ARMH3: variants seen among roughly 807,000 people sequenced by gnomAD.
ARMH3 encodes armadillo like helical domain containing 3.
Under a neutral mutation model 99.1 loss-of-function variants are expected in ARMH3, and 60 were observed. The observed-to-expected ratio is 0.61, with a 90% confidence interval of 0.49 to 0.75. The LOEUF (loss-of-function observed/expected upper bound fraction) is 0.75, where lower values mean the gene tolerates loss of function less well. ARMH3 is among the 30% of genes least tolerant of loss of function. The pLI is 0.00. For synonymous variants in ARMH3, 285 were observed against 292.8 expected (o/e 0.97, Z 0.27); for missense variants, 679 against 843.1 (o/e 0.81, Z 2.41).
intron 8 of ARMH3, among the ~76,000 whole-genome samples, chr10:102,021,451 T>G (rs929645998): frequency 2.0e-5 from 3 of 149,714 alleles, no homozygotes; most frequent in Non-Finnish European, 4.5e-5. Context: ...GGTGTAATCA[T>G]GGCTCACTGT....
At chr10:101,951,094 T>G (rs1564786583) in intron 22 of ARMH3, among the ~76,000 whole-genome samples, 1 of 152,192 alleles carries the variant, frequency 6.6e-6, no homozygotes, top group Non-Finnish European at 1.5e-5. Context: ...ATAAATCTAA[T>G]AGAATATATG....
chr10:101,934,237 C>T (rs934616309), intron 23 of ARMH3, among the ~76,000 whole-genome samples: 3 of 152,138 alleles, frequency 2.0e-5, no homozygotes, highest in African/African-American at 4.8e-5. Flanking sequence ...TGTGTCTATG[C>T]GCGTGCACAT....
intron 20 of ARMH3, 27 bp from the exon 21 acceptor site, chr10:101,957,759 A>G: frequency 6.5e-7 from 1 of 1,548,758 alleles, no homozygotes; most frequent in South Asian, 1.2e-5. Flanking sequence ...AAAGACATCA[A>G]CAAGCTATTC....
intron 24 of ARMH3, among the ~76,000 whole-genome samples, chr10:101,881,013 A>G (rs2067402023): frequency 6.6e-6 from 1 of 152,260 alleles, no homozygotes; most frequent in Admixed American, 6.5e-5. Context: ...ATAAGAAAAT[A>G]CTTAGCAGCT....
chr10:101,940,027 T>C (rs1844168059), intron 22 of ARMH3, 89 bp from the exon 23 acceptor site: 1 of 1,002,682 alleles, frequency 1.0e-6, no homozygotes. Flanking sequence ...AATAGCACTC[T>C]CAGAATAACC....
intron 8 of ARMH3, among the ~76,000 whole-genome samples, chr10:102,015,859 C>A (rs942739443): frequency 1.3e-5 from 2 of 152,208 alleles, no homozygotes; most frequent in African/African-American, 2.4e-5. Flanking sequence ...TAGGGCTGGG[C>A]ACGGTGGCTC....
chr10:101,974,495 T>C (rs998098444), intron 20 of ARMH3, among the ~76,000 whole-genome samples: 1 of 152,152 alleles, frequency 6.6e-6, no homozygotes, highest in African/African-American at 2.4e-5. Flanking sequence ...TCAGGGAACA[T>C]GTCTCCTCTG....
At chr10:101,936,254 G>A (rs1843968850) in intron 23 of ARMH3, among the ~76,000 whole-genome samples, 1 of 152,108 alleles carries the variant, frequency 6.6e-6, no homozygotes, top group Non-Finnish European at 1.5e-5. Flanking sequence ...AGCACTTTGG[G>A]AGGCCGAGGT....
At chr10:102,015,681 C>A (rs1357214982) in intron 8 of ARMH3, among the ~76,000 whole-genome samples, 1 of 152,232 alleles carries the variant, frequency 6.6e-6, no homozygotes, top group East Asian at 1.9e-4. Context: ...TGAGCCACTG[C>A]ACCCAGCCTG....
chr10:101,937,248 T>G (rs1257633686), intron 23 of ARMH3, among the ~76,000 whole-genome samples: 1 of 152,178 alleles, frequency 6.6e-6, no homozygotes, highest in Admixed American at 6.5e-5. Context: ...CTGGGCATGG[T>G]GGCTCATGCC....
At chr10:101,994,369 A>G (rs985639286) in intron 16 of ARMH3, among the ~76,000 whole-genome samples, 1 of 152,222 alleles carries the variant, frequency 6.6e-6, no homozygotes, top group African/African-American at 2.4e-5. Context: ...AAAGGAGGTC[A>G]TCTTTCCACA....
chr10:102,004,103 T>C (rs1044593623), intron 14 of ARMH3, among the ~76,000 whole-genome samples: 1 of 152,214 alleles, frequency 6.6e-6, no homozygotes, highest in African/African-American at 2.4e-5. Context: ...TATTTTTAGT[T>C]TACCAGAAAG....
intron 23 of ARMH3, among the ~76,000 whole-genome samples, chr10:101,904,526 T>A (rs2068056965): frequency 6.6e-6 from 1 of 152,210 alleles, no homozygotes; most frequent in Admixed American, 6.5e-5. Context: ...CATAATGCTA[T>A]CAATAATTTA....
Position 102,040,122 on chromosome 10 carries a change from G to A in ARMH3, c.-8C>T, listed in dbSNP as rs539010325. The A allele has an allele frequency of 6.2e-7, 1 of 1,611,384 alleles. No homozygotes were observed. Among genetic ancestry groups the A allele is most frequent in the Non-Finnish European group, 8.5e-7 (1 of 1,177,484 alleles). ...TTTCTCTACCTGTGCCATGGTTAGAGAATCTGTGAACAGAAAGTCACATTT... is the reference window on the plus strand; with the variant it reads ...TTTCTCTACCTGTGCCATGGTTAGAAAATCTGTGAACAGAAAGTCACATTT... On this transcript the variant is annotated 5_prime_UTR_variant, in exon 2 of 26. Transcript: ENST00000370033.
chr10:101,931,889 C>T (rs925371863), intron 23 of ARMH3, among the ~76,000 whole-genome samples: 1 of 152,076 alleles, frequency 6.6e-6, no homozygotes, highest in African/African-American at 2.4e-5. Flanking sequence ...ACATAAGCAA[C>T]AAGCGAAAAA....
At chr10:102,011,649 A>G in intron 11 of ARMH3, 74 bp downstream of exon 11, 1 of 1,269,834 alleles carries the variant, frequency 7.9e-7, no homozygotes, top group Non-Finnish European at 1.1e-6. Context: ...TGAACTTCGG[A>G]GCCCGATTTG....
At chr10:101,975,631 C>T (rs561227070) in intron 19 of ARMH3, among the ~76,000 whole-genome samples, 1 of 151,788 alleles carries the variant, frequency 6.6e-6, no homozygotes, top group Non-Finnish European at 1.5e-5. Context: ...TTTGGGAGGC[C>T]GAGGCAGGCA....
At chr10:101,933,142 C>T (rs1843795357) in intron 23 of ARMH3, among the ~76,000 whole-genome samples, 1 of 152,074 alleles carries the variant, frequency 6.6e-6, no homozygotes, top group Admixed American at 6.5e-5. Flanking sequence ...GCGGAGATTG[C>T]ACCACTGCAC....
chr10:101,887,867 T>A (rs2067590997), intron 24 of ARMH3, among the ~76,000 whole-genome samples: 1 of 152,086 alleles, frequency 6.6e-6, no homozygotes, highest in South Asian at 2.1e-4. Flanking sequence ...CATCATTTCA[T>A]TTAACTTTGA....
Sources: allele counts gnomAD v4.1 joint callset (sites outside exome capture counted in the v4.1 genomes callset), GRCh38; gene constraint gnomAD v4.1.1; transcripts MANE v1.5; gene names NCBI Gene and HGNC (gene_info 2026-07-23, HGNC 2026-07-21).